SPATA13: variants seen among roughly 807,000 people sequenced by gnomAD.
SPATA13 encodes the protein spermatogenesis associated 13.
A neutral mutation model predicts 104.0 loss-of-function variants in SPATA13; 50 were observed. That is an observed-to-expected ratio of 0.48 (90% CI 0.38 to 0.61). SPATA13 has a LOEUF of 0.61. Among genes scored for constraint, SPATA13 ranks in the 20% least tolerant of loss-of-function variants. The pLI is 0.00. For missense variants in SPATA13, 1,524 were observed against 1,690.6 expected, an observed-to-expected ratio of 0.90 and a Z score of 1.73; for synonymous variants, 606 against 667.5, an observed-to-expected ratio of 0.91 and a Z score of 1.42.
At chr13:24,166,830 A>G (rs1882753118) in intron 1 of SPATA13, among the ~76,000 whole-genome samples, 2 of 152,252 alleles carry the variant, frequency 1.3e-5, no homozygotes, top group African/African-American at 4.8e-5. Flanking sequence ...TTATGAGGGC[A>G]TTAATCTCCT....
At chr13:24,269,345 T>C (rs1207528989) in intron 4 of SPATA13, among the ~76,000 whole-genome samples, 1 of 152,172 alleles carries the variant, frequency 6.6e-6, no homozygotes, top group East Asian at 1.9e-4. Flanking sequence ...ATTGGCACTA[T>C]CACTTGTTTA....
At chr13:24,185,097 G>C (rs1869063671) in intron 1 of SPATA13, among the ~76,000 whole-genome samples, 1 of 152,150 alleles carries the variant, frequency 6.6e-6, no homozygotes, top group Admixed American at 6.5e-5. Flanking sequence ...TGCCAGTTCG[G>C]GCATTTCCCC....
chr13:24,197,383 C>G (rs1337689881), intron 1 of SPATA13, among the ~76,000 whole-genome samples: 1 of 152,174 alleles, frequency 6.6e-6, no homozygotes, highest in Non-Finnish European at 1.5e-5. Context: ...ACGTAACTAT[C>G]TCTTAAATGT....
chr13:24,077,419 G>A (rs747841699), intron 3 of SPATA13, among the ~76,000 whole-genome samples: 4 of 152,046 alleles, frequency 2.6e-5, no homozygotes, highest in African/African-American at 7.2e-5. Flanking sequence ...CGAAAGAACA[G>A]ATATAGTACA....
chr13:24,298,703 G>A (rs1300348311), intron 11 of SPATA13, among the ~76,000 whole-genome samples: 1 of 152,136 alleles, frequency 6.6e-6, no homozygotes, highest in East Asian at 1.9e-4. Flanking sequence ...ACTGCCATGA[G>A]GACAGCAGGA....
Position 24,306,072 on chromosome 13 carries a change from A to G in SPATA13, c.*3299A>G, listed in dbSNP as rs914118231. On this transcript the variant is annotated 3_prime_UTR_variant, in exon 13 of 13. Transcript: ENST00000382108. ...ATTTTGTAGTTGAAAACATTTCACCACCATCAAACACTATTTCTGAATATT... is the reference window on the plus strand; with the variant it reads ...ATTTTGTAGTTGAAAACATTTCACCGCCATCAAACACTATTTCTGAATATT... The G allele has an allele frequency of 6.6e-6, 1 of 152,148 alleles. No homozygotes were observed. The highest frequency in any genetic ancestry group is 2.4e-5 in the African/African-American group (1 of 41,422). 9.4% of individuals were successfully genotyped at this position (152,148 alleles called of 1,614,324 possible).
chr13:24,035,534 G>A (rs183974353), intron 3 of SPATA13, among the ~76,000 whole-genome samples: 112 of 152,346 alleles, frequency 7.4e-4, no homozygotes, highest in Non-Finnish European at 1.4e-3. Flanking sequence ...CAGGCCACAA[G>A]GACAGGTTGG....
chr13:24,272,907 G>T (rs1347444223), intron 4 of SPATA13: 1 of 152,388 alleles, frequency 6.6e-6, no homozygotes, highest in East Asian at 1.9e-4. Context: ...AGCCGGATGG[G>T]TGATTGCTCA....
intron 4 of SPATA13, chr13:24,278,873 TTTCCTTCC>T (rs55973344): frequency 0.04 from 44,512 of 1,113,542 alleles, 2,118 homozygotes; most frequent in South Asian, 0.12. Context: ...GCTGTTTTTC[TTTCCTTCC>T]TTCCTTCCTT....
At chr13:24,166,382 G>T (rs1365672129) in intron 1 of SPATA13, among the ~76,000 whole-genome samples, 2 of 152,190 alleles carry the variant, frequency 1.3e-5, no homozygotes, top group East Asian at 1.9e-4. Context: ...GCTGAGTCCA[G>T]TGTGGGCTGA....
chr13:24,269,079 G>A (rs1874425021), intron 4 of SPATA13, among the ~76,000 whole-genome samples: 1 of 152,286 alleles, frequency 6.6e-6, no homozygotes, highest in Non-Finnish European at 1.5e-5. Context: ...GTTTTTTGGA[G>A]CGACAGCAGC....
At chr13:24,064,331 A>G (rs1004198813) in intron 3 of SPATA13, among the ~76,000 whole-genome samples, 1 of 152,226 alleles carries the variant, frequency 6.6e-6, no homozygotes, top group African/African-American at 2.4e-5. Context: ...ATGAAGTACA[A>G]TTAAATCAAT....
At chr13:24,031,134 A>G (rs1877465033) in intron 3 of SPATA13, among the ~76,000 whole-genome samples, 1 of 152,126 alleles carries the variant, frequency 6.6e-6, no homozygotes, top group Admixed American at 6.5e-5. Context: ...TGATTTATTC[A>G]TTGATTGATT....
chr13:24,035,030 T>A (rs1593290688), intron 3 of SPATA13: 1 of 152,332 alleles, frequency 6.6e-6, no homozygotes, highest in East Asian at 1.9e-4. Flanking sequence ...ACATGACACA[T>A]CAACTTTCAT....
intron 3 of SPATA13, among the ~76,000 whole-genome samples, chr13:24,035,666 A>G (rs1877651715): frequency 6.6e-6 from 1 of 152,186 alleles, no homozygotes; most frequent in African/African-American, 2.4e-5. Context: ...TAGTTTATAT[A>G]AAGCAATGGT....
chr13:24,173,086 T>C (rs976451913), intron 1 of SPATA13, among the ~76,000 whole-genome samples: 27 of 152,176 alleles, frequency 1.8e-4, no homozygotes, highest in African/African-American at 5.6e-4. Context: ...TATGTAAATA[T>C]ATACTTTTTG....
chr13:24,157,232 A>G (rs1052427380), upstream of SPATA13, among the ~76,000 whole-genome samples: 1 of 152,194 alleles, frequency 6.6e-6, no homozygotes, highest in African/African-American at 2.4e-5. Flanking sequence ...AAATCAGGTT[A>G]TTCTATCAAG....
At chr13:24,291,635 T>C (rs1265944881) in intron 9 of SPATA13, among the ~76,000 whole-genome samples, 1 of 152,266 alleles carries the variant, frequency 6.6e-6, no homozygotes, top group Non-Finnish European at 1.5e-5. Context: ...CCCTTCGAGC[T>C]TCCTTGGTGC....
intron 12 of SPATA13, among the ~76,000 whole-genome samples, chr13:24,301,647 G>C (rs575679356): frequency 6.6e-6 from 1 of 152,188 alleles, no homozygotes; most frequent in African/African-American, 2.4e-5. Context: ...CTGCCACCTC[G>C]GGAGGTAGGG....
Sources: allele counts gnomAD v4.1 joint callset (sites outside exome capture counted in the v4.1 genomes callset), GRCh38; gene constraint gnomAD v4.1.1; transcripts MANE v1.5; gene names NCBI Gene and HGNC (gene_info 2026-07-23, HGNC 2026-07-21).